The following SEC24D variants were observed in gnomAD, a reference collection of about 807,000 sequenced individuals.
SEC24D encodes the protein SEC24 homolog D, COPII component.
Under a neutral mutation model 116.9 loss-of-function variants are expected in SEC24D, and 69 were observed. The ratio of observed to expected loss-of-function variants is 0.59; its 90% CI spans 0.49 to 0.72. The LOEUF (loss-of-function observed/expected upper bound fraction) is 0.72. SEC24D is among the 30% of genes least tolerant of loss of function. The pLI is 0.00. For missense variants in SEC24D, 1,131 were observed against 1,264.1 expected, an observed-to-expected ratio of 0.89 and a Z score of 1.60; for synonymous variants, 405 against 442.8, an observed-to-expected ratio of 0.91 and a Z score of 1.07.
chr4:118,824,522 C>T (rs930362386), intron 3 of SEC24D, 98 bp downstream of exon 3: 20 of 1,335,536 alleles, frequency 1.5e-5, no homozygotes, highest in Middle Eastern at 2.1e-4. Flanking sequence ...ATCATCAAAA[C>T]GTCAAACTTT....
chr4:118,785,759 T>C (rs1428589338), intron 8 of SEC24D, among the ~76,000 whole-genome samples: 6 of 152,178 alleles, frequency 3.9e-5, no homozygotes, highest in Admixed American at 3.3e-4. Flanking sequence ...CATATGAATA[T>C]AAATTGTGGA....
chr4:118,734,353 C>T (rs1164350955), intron 19 of SEC24D, among the ~76,000 whole-genome samples: 16 of 151,788 alleles, frequency 1.1e-4, no homozygotes, highest in Admixed American at 1.1e-3. Context: ...CCTGGGATTA[C>T]AGGCATGTAC....
chr4:118,759,303 G>A (rs1476119259), intron 10 of SEC24D, among the ~76,000 whole-genome samples: 2 of 152,084 alleles, frequency 1.3e-5, no homozygotes, highest in Non-Finnish European at 2.9e-5. Flanking sequence ...TTCAATAACT[G>A]AGTCCCATTG....
At chr4:118,834,974 T>C (rs1181730328) in intron 1 of SEC24D, among the ~76,000 whole-genome samples, 1 of 152,218 alleles carries the variant, frequency 6.6e-6, no homozygotes, top group Non-Finnish European at 1.5e-5. Context: ...AAAGCAACCA[T>C]GTAAAAATAT....
In SEC24D at chr4:118,738,345, G is replaced by T; in HGVS notation, c.2412C>A (p.Val804=). ...FKAVLHQPLK[V]IREILVNQTA... is the part of the protein sequence containing the mutation. Reference sequence around the variant, plus strand: ...TCTGATTAACTAGAATTTCCCGGATGACCTTCAAAGGCTGGTGGAGAACTG... The same window carrying T: ...TCTGATTAACTAGAATTTCCCGGATTACCTTCAAAGGCTGGTGGAGAACTG... Residue 804 remains valine, a synonymous_variant, in exon 19 of 23, where the codon GTC becomes GTA. Transcript: ENST00000280551. The T allele has an allele frequency of 6.2e-7, 1 of 1,613,314 alleles. No individual in the cohort carries two copies. The highest frequency in any genetic ancestry group is 1.1e-5 in the South Asian group (1 of 91,048).
At chr4:118,766,103 G>A (rs990584495) in intron 9 of SEC24D, among the ~76,000 whole-genome samples, 3 of 151,168 alleles carry the variant, frequency 2.0e-5, no homozygotes, top group African/African-American at 7.3e-5. Context: ...TTTCCACATA[G>A]TATAACATAC....
chr4:118,767,587 CTT>C (rs922707131), intron 9 of SEC24D, among the ~76,000 whole-genome samples: 3 of 152,170 alleles, frequency 2.0e-5, no homozygotes, highest in African/African-American at 7.2e-5. Context: ...TGTGAAAACA[CTT>C]TCAGCAACTT....
chr4:118,741,497 T>A (rs1339691052), intron 15 of SEC24D, among the ~76,000 whole-genome samples: 1 of 152,188 alleles, frequency 6.6e-6, no homozygotes, highest in East Asian at 1.9e-4. Flanking sequence ...TTAACTACTC[T>A]ACGATCACCG....
chr4:118,743,566 G>A (rs1726344089), intron 15 of SEC24D, among the ~76,000 whole-genome samples: 1 of 152,064 alleles, frequency 6.6e-6, no homozygotes, highest in Non-Finnish European at 1.5e-5. Flanking sequence ...GTCTTGCTAT[G>A]TAGCCCAGGC....
At chr4:118,829,500 A>T (rs1730746607) in intron 2 of SEC24D, among the ~76,000 whole-genome samples, 1 of 151,932 alleles carries the variant, frequency 6.6e-6, no homozygotes, top group African/African-American at 2.4e-5. Flanking sequence ...TAACAGAGCA[A>T]GACCTTGTCT....
chr4:118,733,816 A>C (rs1725823297), intron 19 of SEC24D, among the ~76,000 whole-genome samples: 1 of 152,036 alleles, frequency 6.6e-6, no homozygotes, highest in South Asian at 2.1e-4. Flanking sequence ...TTTACCCTCA[A>C]TTAATAAACA....
intron 8 of SEC24D, among the ~76,000 whole-genome samples, chr4:118,771,563 C>T (rs1471434526): frequency 1.3e-5 from 2 of 151,642 alleles, no homozygotes; most frequent in African/African-American, 2.4e-5. Flanking sequence ...TAAAATGTAT[C>T]TCTTGTGTAT....
Position 118,728,577 on chromosome 4 carries a change from C to T in SEC24D, c.2942G>A (p.Arg981Lys), listed in dbSNP as rs749668291. 1.9e-6 allele frequency: 3 copies of T among 1,600,712 alleles called. No homozygotes were observed. Among genetic ancestry groups the T allele is most frequent in the East Asian group, 2.2e-5 (1 of 44,682 alleles). ...CTTTCTTACCTTCATTGAATATGGCCTCTTTTGTTGGATAATACCCATTAT... is the reference window on the plus strand; with the variant it reads ...CTTTCTTACCTTCATTGAATATGGCTTCTTTTGTTGGATAATACCCATTAT... ...RMIMGIIQQK[R>K]PYSMKLTIVK... Residue 981 changes from arginine to lysine, a missense_variant, in exon 22 of 23, where the codon AGG (arginine) becomes AAG (lysine). Coordinates refer to ENST00000280551, the MANE Select transcript of SEC24D (RefSeq NM_014822.4).
chr4:118,731,622 A>G, intron 20 of SEC24D, 115 bp from the exon 21 acceptor site: 2 of 764,024 alleles, frequency 2.6e-6, no homozygotes, highest in Non-Finnish European at 4.4e-6. Context: ...GTGAGTACCT[A>G]TTATGTGCCA....
intron 8 of SEC24D, among the ~76,000 whole-genome samples, chr4:118,791,601 T>C (rs1233435220): frequency 1.3e-5 from 2 of 152,132 alleles, no homozygotes; most frequent in Non-Finnish European, 2.9e-5. Context: ...ACTGCCGCCA[T>C]CTCGACTCAC....
In SEC24D at chr4:118,739,229, C is replaced by A; in HGVS notation, c.2297G>T (p.Gly766Val). 6.2e-7 allele frequency: 1 copy of A among 1,613,640 alleles called. No homozygotes were observed. The highest frequency in any genetic ancestry group is 8.5e-7 in the Non-Finnish European group (1 of 1,179,644). Residue 766 changes from glycine (G) to valine (V), a missense_variant, in exon 18 of 23, where the codon GGC (glycine) becomes GTC (valine). By Grantham distance (109) the Gly-to-Val change is moderately radical (BLOSUM62 -3). Transcript: ENST00000280551. ...AGCTAGCTGAGAGCTGCAGTTTAAGCCAAGATTGTGAATCCGAAGTCTTCT... is the reference window on the plus strand; with the variant it reads ...AGCTAGCTGAGAGCTGCAGTTTAAGACAAGATTGTGAATCCGAAGTCTTCT... The part of the protein sequence containing the change: ...GQRRLRIHNL[G>V]LNCSSQLADL...
rs146086094 is a variant in SEC24D, at chr4:118,739,281, C to T, written c.2245G>A (p.Val749Met). ...TGACCACTGATTGTCGTGTAAAGCA[C>T]AGCACACTGTAGAAGCAACATTGAG... is the stretch of plus-strand genomic sequence containing the variant. ...EDSGALIQCA[V>M]LYTTISGQRR... Residue 749 changes from valine to methionine, a missense_variant, in exon 18 of 23, where the codon GTG becomes ATG. By Grantham distance (21) the Val-to-Met change is conservative (BLOSUM62 1). Transcript: ENST00000280551. 29 of 1,612,904 alleles carry T rather than the reference C, an allele frequency of 1.8e-5. No homozygotes were observed. Among genetic ancestry groups the T allele is most frequent in the African/African-American group, 1.2e-4 (9 of 74,872 alleles).
chr4:118,829,640 C>T (rs1730754578), intron 2 of SEC24D, among the ~76,000 whole-genome samples: 1 of 152,082 alleles, frequency 6.6e-6, no homozygotes, highest in African/African-American at 2.4e-5. Context: ...CAGAGAAACC[C>T]CGTCTCTACT....
Position 118,789,964 on chromosome 4 carries a change from C to T in SEC24D, c.1041+7719G>A, listed in dbSNP as rs556690782. Among the ~76,000 whole-genome samples, 4 of 152,304 alleles carry T rather than the reference C, an allele frequency of 2.6e-5. No individual in the cohort carries two copies. The South Asian group carries it at 8.3e-4, about 32-fold the overall frequency. The stretch of plus-strand genomic sequence containing the variant: ...AGGTAAAATTTTCCCAGAAAATAAG[C>T]TCCATATAACAATGAAGCTATCCCC... On this transcript the variant is annotated intron_variant, in intron 8 of 22. Transcript: ENST00000280551.
Sources: gnomAD v4.1 joint callset for allele counts (sites outside exome capture counted in the v4.1 genomes callset) on GRCh38, gnomAD v4.1.1 for gene constraint, MANE v1.5 for transcripts, NCBI Gene and HGNC (gene_info 2026-07-23, HGNC 2026-07-21) for gene names.